Variants in KALRN observed in about 807,000 individuals in gnomAD.
The protein encoded by KALRN is kalirin.
A neutral mutation model predicts 353.7 loss-of-function variants in KALRN; 70 were observed. The observed-to-expected ratio is 0.20, with a 90% CI of 0.16 to 0.24. The LOEUF (loss-of-function observed/expected upper bound fraction) is 0.24. KALRN is among the 10% of genes least tolerant of loss of function. The pLI is 1.00. For missense variants in KALRN, 2,791 were observed against 3,756.7 expected (o/e 0.74, Z 6.72); for synonymous variants, 1,391 against 1,434.8 (o/e 0.97, Z 0.69).
chr3:124,593,352 A>G (rs1325920706), intron 34 of KALRN, among the ~76,000 whole-genome samples: 1 of 152,162 alleles, frequency 6.6e-6, no homozygotes, highest in Non-Finnish European at 1.5e-5. Context: ...ACCTGGGAAC[A>G]TGTTACAAAT....
chr3:124,169,626 G>A (rs919485463), intron 1 of KALRN, among the ~76,000 whole-genome samples: 4 of 152,154 alleles, frequency 2.6e-5, no homozygotes, highest in African/African-American at 9.7e-5. Context: ...CCAGTGAAAT[G>A]TTGTGCCAAT....
chr3:124,715,015 CAAAAA>C (rs57167927), intron 58 of KALRN, among the ~76,000 whole-genome samples: 5 of 126,728 alleles, frequency 3.9e-5, no homozygotes, highest in Non-Finnish European at 3.4e-5. Context: ...GACTCCATCT[CAAAAA>C]AAAAAAAAAA....
chr3:124,569,427 T>C (rs2110024326), intron 34 of KALRN, among the ~76,000 whole-genome samples: 1 of 152,360 alleles, frequency 6.6e-6, no homozygotes, highest in Non-Finnish European at 1.5e-5. Flanking sequence ...TTGTGTTAAG[T>C]GTGTCACCAA....
intron 1 of KALRN, among the ~76,000 whole-genome samples, chr3:124,089,323 G>A (rs1311565388): frequency 6.6e-6 from 1 of 152,124 alleles, no homozygotes; most frequent in Non-Finnish European, 1.5e-5. Flanking sequence ...TCACAGGAGG[G>A]CTCTGCCTGG....
chr3:124,671,557 A>C, intron 47 of KALRN, 103 bp from the exon 48 acceptor site: 1 of 745,624 alleles, frequency 1.3e-6, no homozygotes, highest in Non-Finnish European at 2.3e-6. Flanking sequence ...TGTTTTTCTC[A>C]CTTATCCACA....
intron 3 of KALRN, among the ~76,000 whole-genome samples, chr3:124,235,193 A>G (rs1475518798): frequency 6.6e-6 from 1 of 152,190 alleles, no homozygotes; most frequent in African/African-American, 2.4e-5. Context: ...CAGCTACAGG[A>G]AACACTCTAT....
intron 6 of KALRN, among the ~76,000 whole-genome samples, chr3:124,310,388 G>A (rs553459496): frequency 6.6e-6 from 1 of 152,124 alleles, no homozygotes; most frequent in Non-Finnish European, 1.5e-5. Context: ...ATCCCAACTG[G>A]ATTCTTTGTA....
intron 1 of KALRN, chr3:124,094,140 TC>T (rs1352727255): frequency 6.5e-6 from 1 of 152,882 alleles, no homozygotes; most frequent in Non-Finnish European, 1.5e-5. Context: ...AAAAACTTGA[TC>T]CAGGCCAGGC....
chr3:124,514,789 A>G (rs906008435), intron 33 of KALRN, among the ~76,000 whole-genome samples: 1 of 152,222 alleles, frequency 6.6e-6, no homozygotes, highest in African/African-American at 2.4e-5. Flanking sequence ...TTTTGGCCCA[A>G]ATAATATAAA....
intron 1 of KALRN, chr3:124,152,367 C>G: frequency 1.7e-6 from 2 of 1,201,380 alleles, no homozygotes; most frequent in Non-Finnish European, 1.2e-6. Flanking sequence ...GAAGAAGCTG[C>G]AACACCTTTC....
intron 33 of KALRN, among the ~76,000 whole-genome samples, chr3:124,511,949 C>T (rs2065954071): frequency 2.0e-5 from 3 of 152,188 alleles, no homozygotes; most frequent in African/African-American, 7.2e-5. Context: ...TTAATCTCAA[C>T]CACTGAATCA....
intron 37 of KALRN, among the ~76,000 whole-genome samples, chr3:124,640,586 T>C (rs530880660): frequency 3.8e-4 from 58 of 152,272 alleles, no homozygotes; most frequent in African/African-American, 1.2e-3. Context: ...GCCCAGCCAA[T>C]GCATTCTATT....
At chr3:124,351,091 T>C (rs1278071546) in intron 10 of KALRN, among the ~76,000 whole-genome samples, 2 of 152,174 alleles carry the variant, frequency 1.3e-5, no homozygotes, top group Non-Finnish European at 2.9e-5. Flanking sequence ...TACAACGTGA[T>C]TGCCATGTTT....
intron 1 of KALRN, among the ~76,000 whole-genome samples, chr3:124,215,556 G>A (rs2077252175): frequency 6.6e-6 from 1 of 152,174 alleles, no homozygotes; most frequent in South Asian, 2.1e-4. Flanking sequence ...TCAGCTAGGT[G>A]TCTGGTTTTT....
At chr3:124,228,106 A>C (rs1560291127) in intron 2 of KALRN, 42 bp downstream of exon 2, 6 of 1,494,794 alleles carry the variant, frequency 4.0e-6, no homozygotes, top group South Asian at 2.3e-5. Context: ...GACCTAGAGA[A>C]GTTGTGTGTG....
At chr3:124,314,272 T>C (rs1460978723) in intron 6 of KALRN, among the ~76,000 whole-genome samples, 1 of 147,728 alleles carries the variant, frequency 6.8e-6, no homozygotes, top group Non-Finnish European at 1.5e-5. Flanking sequence ...ACACCGCATG[T>C]TCTTATTCAT....
rs1488601534 is a variant in KALRN, at chr3:124,455,211, T to G, written c.3587T>G (p.Leu1196Arg). 1.2e-6 allele frequency: 2 copies of G among 1,614,196 alleles called. No homozygotes were observed. Among genetic ancestry groups the G allele is most frequent in the African/African-American group, 1.3e-5 (1 of 75,054 alleles). ...GAGAAGGTGAAGCTTCTGATTCAGCTGGCCGATAGCTTTGTGGAAAAAGGC... is the reference window on the plus strand; with the variant it reads ...GAGAAGGTGAAGCTTCTGATTCAGCGGGCCGATAGCTTTGTGGAAAAAGGC... ...TKEKVKLLIQ[L>R]ADSFVEKGHI... Residue 1196 changes from leucine (L) to arginine (R), a missense_variant, in exon 22 of 60, where the codon CTG (leucine) becomes CGG (arginine). Coordinates refer to ENST00000682506, the MANE Select transcript of KALRN (RefSeq NM_001388419.1).
chr3:124,306,711 T>G (rs2077737503), intron 6 of KALRN, among the ~76,000 whole-genome samples: 1 of 152,110 alleles, frequency 6.6e-6, no homozygotes, highest in Non-Finnish European at 1.5e-5. Flanking sequence ...GGCAAAATAC[T>G]GAAAGCCAAA....
intron 1 of KALRN, among the ~76,000 whole-genome samples, chr3:124,202,668 C>G (rs2076061741): frequency 6.6e-6 from 1 of 152,174 alleles, no homozygotes; most frequent in Non-Finnish European, 1.5e-5. Flanking sequence ...ACCCTTCCAG[C>G]CTGCCTGCTC....
Sources: allele counts gnomAD v4.1 joint callset (sites outside exome capture counted in the v4.1 genomes callset), GRCh38; gene constraint gnomAD v4.1.1; transcripts MANE v1.5; gene names NCBI Gene and HGNC (gene_info 2026-07-23, HGNC 2026-07-21).